Variants in SMTNL1 observed in about 807,000 individuals in gnomAD.
The protein encoded by SMTNL1 is smoothelin like 1, also known as smoothelin-like protein 1.
SMTNL1 carries 41 observed loss-of-function variants against 46.6 expected under a neutral mutation model. The observed-to-expected ratio is 0.88, with a 90% CI of 0.69 to 1.14. The LOEUF (loss-of-function observed/expected upper bound fraction) is 1.14, where lower values mean the gene tolerates loss of function less well. Among genes scored for constraint, SMTNL1 ranks in the 50% most tolerant of loss-of-function variants. SMTNL1 has a pLI of 0.00. For synonymous variants in SMTNL1, 234 were observed against 234.2 expected (o/e 1.00, Z 0.01); for missense variants, 591 against 626.1 (o/e 0.94, Z 0.60).
chr11:57,545,879 A>G lies in SMTNL1; in HGVS notation c.918-2A>G. ...CACACGTCTTTGGACTTCTCCATAT[A>G]GTGAGTCTTCACCCAGCGACGTGCC... On this transcript the variant is annotated splice_acceptor_variant, in intron 4 of 7. Coordinates refer to ENST00000527972, the MANE Select transcript of SMTNL1 (RefSeq NM_001105565.3). LOFTEE classifies it high-confidence loss of function. 6.2e-7 allele frequency: 1 copy of G among 1,611,868 alleles called. No individual in the cohort carries two copies. Among genetic ancestry groups the G allele is most frequent in the Non-Finnish European group, 8.5e-7 (1 of 1,179,100 alleles).
chr11:57,542,689 C>T lies in SMTNL1; in HGVS notation c.47C>T (p.Ser16Phe). ...CTCTCTGAGGATGGGACCACCGTCT[C>T]CCCAGCTGCGGACAACCCTGAGATG... ...GKLSEDGTTV[S>F]PAADNPEMSG... The change falls in exon 2 of 8, where the codon TCC becomes TTC. Residue 16 changes from serine (S) to phenylalanine (F), a missense_variant. Ser to Phe is a radical substitution (Grantham distance 155, BLOSUM62 -2). Transcript: ENST00000527972. 1.2e-6 allele frequency: 2 copies of T among 1,613,706 alleles called. No individual in the cohort carries two copies.
chr11:57,542,812 C>A lies in SMTNL1; in HGVS notation c.170C>A (p.Pro57Gln). 2 of 1,613,820 alleles carry A rather than the reference C, an allele frequency of 1.2e-6. No individual in the cohort carries two copies. The highest frequency in any genetic ancestry group is 1.7e-6 in the Non-Finnish European group (2 of 1,179,838). ...PTESGKQEKA[P>Q]AEDGMSAELQ... Reference sequence around the variant, plus strand: ...GAGTCAGGAAAGCAGGAAAAGGCACCAGCCGAGGACGGCATGTCAGCAGAA... The same window carrying A: ...GAGTCAGGAAAGCAGGAAAAGGCACAAGCCGAGGACGGCATGTCAGCAGAA... Residue 57 changes from proline to glutamine, a missense_variant, in exon 2 of 8, where the codon CCA becomes CAA. Transcript: ENST00000527972.
intron 7 of SMTNL1, among the ~76,000 whole-genome samples, chr11:57,548,252 G>A (rs1180003307): frequency 6.6e-6 from 1 of 152,174 alleles, no homozygotes; most frequent in South Asian, 2.1e-4. Flanking sequence ...AGTGCCAGCA[G>A]CTCCTGAAAC....
At chr11:57,546,124 C>G in intron 5 of SMTNL1, 88 bp downstream of exon 5, 2 of 1,521,476 alleles carry the variant, frequency 1.3e-6, no homozygotes, top group Non-Finnish European at 1.8e-6. Flanking sequence ...TGGGAACAGC[C>G]CAGGCCAAGG....
chr11:57,538,240 A>T (rs1944844413), intron 1 of SMTNL1, among the ~76,000 whole-genome samples: 1 of 152,098 alleles, frequency 6.6e-6, no homozygotes, highest in Non-Finnish European at 1.5e-5. Flanking sequence ...GGACAACCAG[A>T]TGACAGATGA....
At chr11:57,540,411 C>T (rs1214395849) in intron 1 of SMTNL1, among the ~76,000 whole-genome samples, 1 of 152,146 alleles carries the variant, frequency 6.6e-6, no homozygotes, top group Non-Finnish European at 1.5e-5. Flanking sequence ...AACTGTATAT[C>T]TCTAAGAGGG....
intron 7 of SMTNL1, among the ~76,000 whole-genome samples, 153 bp from the exon 8 acceptor site, chr11:57,549,815 T>C (rs1944944734): frequency 6.6e-6 from 1 of 152,186 alleles, no homozygotes; most frequent in Non-Finnish European, 1.5e-5. Flanking sequence ...CATCTAGATA[T>C]ATAATGGGAT....
chr11:57,545,245 T>A (rs764302568), intron 4 of SMTNL1, among the ~76,000 whole-genome samples: 2 of 152,160 alleles, frequency 1.3e-5, no homozygotes, highest in Non-Finnish European at 2.9e-5. Context: ...ATTCTTGTCC[T>A]CATTTTACAG....
intron 1 of SMTNL1, among the ~76,000 whole-genome samples, chr11:57,540,335 G>A (rs1036184868): frequency 3.9e-5 from 6 of 152,156 alleles, no homozygotes; most frequent in African/African-American, 1.4e-4. Context: ...TTGGGCCGAA[G>A]TAATCCTCCC....
At chr11:57,541,671 C>A in intron 1 of SMTNL1, 1 of 1,114,818 alleles carries the variant, frequency 9.0e-7, no homozygotes, top group East Asian at 5.5e-5. Context: ...CCCTGGGGTT[C>A]CCAAATTTCA....
chr11:57,544,338 C>A (rs1474015149), intron 4 of SMTNL1, among the ~76,000 whole-genome samples: 2 of 152,340 alleles, frequency 1.3e-5, no homozygotes, highest in East Asian at 3.9e-4. Flanking sequence ...CGAGATTGCG[C>A]CATTGCACTG....
chr11:57,537,678 T>A (rs1431925340), intron 1 of SMTNL1, among the ~76,000 whole-genome samples, 36 bp downstream of exon 1: 1 of 152,184 alleles, frequency 6.6e-6, no homozygotes, highest in Non-Finnish European at 1.5e-5. Context: ...TAAGGGTCCC[T>A]CCCCATCTGC....
intron 1 of SMTNL1, among the ~76,000 whole-genome samples, chr11:57,542,280 A>G (rs1334775605): frequency 6.6e-6 from 1 of 152,226 alleles, no homozygotes; most frequent in African/African-American, 2.4e-5. Flanking sequence ...CCTGGATGAC[A>G]GAGCGAGACC....
chr11:57,545,487 C>A (rs186640490), intron 4 of SMTNL1, among the ~76,000 whole-genome samples: 210 of 151,956 alleles, frequency 1.4e-3, no homozygotes, highest in African/African-American at 4.9e-3. Flanking sequence ...CACCTGTAAT[C>A]CCAGCTACTC....
intron 3 of SMTNL1, 56 bp downstream of exon 3, chr11:57,543,812 G>A (rs1325326650): frequency 1.9e-5 from 30 of 1,558,704 alleles, no homozygotes; most frequent in South Asian, 1.8e-4. Context: ...GGGGAGGGGC[G>A]CAAGAAGCAT....
At chr11:57,546,778 T>G in intron 7 of SMTNL1, 126 bp downstream of exon 7, 1 of 1,226,736 alleles carries the variant, frequency 8.2e-7, no homozygotes, top group Non-Finnish European at 1.1e-6. Context: ...CAACAGACAT[T>G]TTTTGAGGGC....
At chr11:57,548,355 G>A (rs1192335466) in intron 7 of SMTNL1, among the ~76,000 whole-genome samples, 4 of 152,076 alleles carry the variant, frequency 2.6e-5, no homozygotes, top group Non-Finnish European at 5.9e-5. Flanking sequence ...ACTCTAAGAG[G>A]CCTACCCTGA....
intron 1 of SMTNL1, among the ~76,000 whole-genome samples, chr11:57,539,977 C>T (rs1944860376): frequency 6.6e-6 from 1 of 152,148 alleles, no homozygotes; most frequent in South Asian, 2.1e-4. Context: ...ATGTCACCTT[C>T]CAAACAAGAG....
rs1250711435 is a variant in SMTNL1, at chr11:57,546,353, C to A, written c.1188+6C>A. 6.9e-7 allele frequency: 1 copy of A among 1,459,302 alleles called. No individual in the cohort carries two copies. The highest frequency in any genetic ancestry group is 2.0e-5 in the Admixed American group (1 of 50,038). 90.4% of individuals were successfully genotyped at this position (1,459,302 alleles called of 1,614,324 possible). On this transcript the variant is annotated splice_donor_region_variant and intron_variant, in intron 6 of 7. Coordinates refer to ENST00000527972, the MANE Select transcript of SMTNL1 (RefSeq NM_001105565.3). ...CCATGACAAAAAAATACGAGGTGGG[C>A]ATGGGGCAGAGCTGCGTGGGTGGGG... is the stretch of plus-strand genomic sequence containing the variant.
Sources: allele counts gnomAD v4.1 joint callset (sites outside exome capture counted in the v4.1 genomes callset), GRCh38; gene constraint gnomAD v4.1.1; transcripts MANE v1.5; gene names NCBI Gene and HGNC (gene_info 2026-07-23, HGNC 2026-07-21).